Variants in EVL observed in about 807,000 individuals in gnomAD.
EVL encodes Enah/Vasp-like, also known as ena/VASP-like protein.
Under a neutral mutation model 59.6 loss-of-function variants are expected in EVL, and 21 were observed. The observed-to-expected ratio is 0.35, with a 90% CI of 0.25 to 0.51. The LOEUF is 0.51. Ranked by LOEUF, EVL falls within the 20% of genes least tolerant of loss-of-function variation. The pLI, the probability that EVL is intolerant of heterozygous loss-of-function variation, is 0.97. For missense variants in EVL, 462 were observed against 546.6 expected, an observed-to-expected ratio of 0.85 and a Z score of 1.54; for synonymous variants, 198 against 203.5, an observed-to-expected ratio of 0.97 and a Z score of 0.23.
At chr14:100,046,753 CTT>C (rs759300292) in intron 1 of EVL, among the ~76,000 whole-genome samples, 19 of 132,534 alleles carry the variant, frequency 1.4e-4, no homozygotes, top group East Asian at 2.2e-4. Context: ...CTTTTTCTTT[CTT>C]TTTTTTTTTT....
chr14:99,988,768 A>G (rs2140176353), intron 1 of EVL, among the ~76,000 whole-genome samples: 1 of 152,360 alleles, frequency 6.6e-6, no homozygotes, highest in Middle Eastern at 3.4e-3. Context: ...TATAACATGG[A>G]TGAACATCAG....
At chr14:100,102,664 G>A (rs1204557980) in intron 3 of EVL, among the ~76,000 whole-genome samples, 1 of 152,168 alleles carries the variant, frequency 6.6e-6, no homozygotes, top group East Asian at 1.9e-4. Context: ...AAGTGCCAGA[G>A]GGAGGGTTGG....
intron 1 of EVL, among the ~76,000 whole-genome samples, chr14:100,083,679 C>T (rs2062365224): frequency 6.6e-6 from 1 of 152,206 alleles, no homozygotes; most frequent in African/African-American, 2.4e-5. Context: ...GGTTGCTTTA[C>T]TACGTAAATG....
intron 1 of EVL, among the ~76,000 whole-genome samples, chr14:99,985,578 A>G (rs2060834681): frequency 6.6e-6 from 1 of 151,950 alleles, no homozygotes. Flanking sequence ...GACCAGCATG[A>G]CCAACATGGA....
chr14:100,015,339 A>G (rs1566969330), intron 1 of EVL, among the ~76,000 whole-genome samples: 2 of 152,254 alleles, frequency 1.3e-5, no homozygotes, highest in Admixed American at 6.5e-5. Context: ...ATTCTCATTT[A>G]GCTTTCCCAC....
At chr14:100,134,683 GAAGA>G (rs1888655851) in intron 8 of EVL, 1 of 152,226 alleles carries the variant, frequency 6.6e-6, no homozygotes, top group South Asian at 2.1e-4. Flanking sequence ...CATTAACAGA[GAAGA>G]AAGAAGGCTT....
intron 1 of EVL, among the ~76,000 whole-genome samples, chr14:99,988,169 A>G (rs1272095469): frequency 1.3e-5 from 2 of 151,610 alleles, no homozygotes; most frequent in African/African-American, 4.8e-5. Flanking sequence ...GCCCACCTCG[A>G]CCTCCCAAAG....
At chr14:100,022,466 G>A (rs2061142811) in intron 1 of EVL, among the ~76,000 whole-genome samples, 1 of 152,102 alleles carries the variant, frequency 6.6e-6, no homozygotes, top group East Asian at 1.9e-4. Flanking sequence ...TTTTAGTAGA[G>A]ACAGGGTTTC....
chr14:100,110,651 A>G (rs1401850629), intron 3 of EVL, among the ~76,000 whole-genome samples: 1 of 152,174 alleles, frequency 6.6e-6, no homozygotes, highest in African/African-American at 2.4e-5. Flanking sequence ...CTCCCTCGGC[A>G]CATTGGTAGT....
At chr14:100,054,653 C>T (rs1232686605) in intron 1 of EVL, among the ~76,000 whole-genome samples, 1 of 152,072 alleles carries the variant, frequency 6.6e-6, no homozygotes, top group Non-Finnish European at 1.5e-5. Flanking sequence ...ATTTATCGTG[C>T]CTGCCTTGCC....
chr14:100,120,616 C>T (rs1044639691), intron 3 of EVL, among the ~76,000 whole-genome samples: 4 of 152,166 alleles, frequency 2.6e-5, no homozygotes, highest in African/African-American at 7.2e-5. Context: ...GGTTGAGTAG[C>T]GCACAAAACA....
At chr14:99,989,385 T>C (rs1346047572) in intron 1 of EVL, among the ~76,000 whole-genome samples, 1 of 152,232 alleles carries the variant, frequency 6.6e-6, no homozygotes, top group Non-Finnish European at 1.5e-5. Flanking sequence ...ACTTTTGTTT[T>C]CTACCTCTTA....
At chr14:100,135,779 A>G (rs1445563333) in intron 8 of EVL, 126 bp from the exon 9 acceptor site, 10 of 819,940 alleles carry the variant, frequency 1.2e-5, no homozygotes, top group Admixed American at 2.2e-5. Flanking sequence ...ATGTTTTGCT[A>G]ATTATAAAAG....
chr14:100,138,020 G>C, intron 11 of EVL: 1 of 603,858 alleles, frequency 1.7e-6, no homozygotes. Context: ...AAGGAGGGCA[G>C]TGACCTGTCC....
At position 100,065,473 on chromosome 14, in the gene EVL, G is replaced by A; in HGVS notation, c.-28G>A. 5 of 1,500,916 alleles carry A rather than the reference G, an allele frequency of 3.3e-6. No individual in the cohort carries two copies. Among genetic ancestry groups the A allele is most frequent in the Non-Finnish European group, 3.6e-6 (4 of 1,112,004 alleles). The allele number at this position is 1,500,916 out of a possible 1,614,324, so 93.0% of individuals were successfully genotyped here. A position where few individuals can be genotyped will look rare whatever the true frequency, so the allele number is the denominator to read the frequency against. On this transcript the variant is annotated 5_prime_UTR_variant, in exon 1 of 14. Coordinates refer to ENST00000392920, the MANE Select transcript of EVL (RefSeq NM_016337.3). Reference sequence around the variant, plus strand: ...TGGGAGTACAGGACTCGCCTCCTCAGGGTTCCCTGTGCTGCCACTTTTCAG... The same window carrying A: ...TGGGAGTACAGGACTCGCCTCCTCAAGGTTCCCTGTGCTGCCACTTTTCAG...
At chr14:100,065,611 T>C in intron 1 of EVL, 100 bp downstream of exon 1, 1 of 628,588 alleles carries the variant, frequency 1.6e-6, no homozygotes, top group Non-Finnish European at 2.5e-6. Context: ...GTCCCCTTAG[T>C]ATACTGATCG....
chr14:100,087,897 G>T (rs1595157474), intron 2 of EVL, among the ~76,000 whole-genome samples: 1 of 152,152 alleles, frequency 6.6e-6, no homozygotes, highest in African/African-American at 2.4e-5. Flanking sequence ...CTGAAAGCGG[G>T]ATAATATGGG....
chr14:100,025,975 G>T (rs1408021638), intron 1 of EVL, among the ~76,000 whole-genome samples: 1 of 152,104 alleles, frequency 6.6e-6, no homozygotes, highest in Non-Finnish European at 1.5e-5. Context: ...CTGTGGTGGG[G>T]CACAGTGGCT....
At chr14:100,094,796 C>T (rs1447015844) in intron 2 of EVL, among the ~76,000 whole-genome samples, 1 of 151,432 alleles carries the variant, frequency 6.6e-6, no homozygotes, top group African/African-American at 2.4e-5. Context: ...AATCTCAGCA[C>T]TTTGGGAGGC....
Sources: allele counts gnomAD v4.1 joint callset (sites outside exome capture counted in the v4.1 genomes callset), GRCh38; gene constraint gnomAD v4.1.1; transcripts MANE v1.5; gene names NCBI Gene and HGNC (gene_info 2026-07-23, HGNC 2026-07-21).